ANLN: variants seen among roughly 807,000 people sequenced by gnomAD.
ANLN encodes anillin.
ANLN carries 59 observed loss-of-function variants against 135.1 expected under a neutral mutation model. That is an observed-to-expected ratio of 0.44 (90% confidence interval 0.35 to 0.54). The LOEUF (loss-of-function observed/expected upper bound fraction) is 0.54, where lower values mean the gene tolerates loss of function less well. ANLN is among the 20% of genes least tolerant of loss of function. The pLI, the probability that ANLN is intolerant of heterozygous loss-of-function variation, is 0.00. For synonymous variants in ANLN, 406 were observed against 456.4 expected, an observed-to-expected ratio of 0.89 and a Z score of 1.41; for missense variants, 1,182 against 1,340.0, an observed-to-expected ratio of 0.88 and a Z score of 1.84.
intron 23 of ANLN, among the ~76,000 whole-genome samples, chr7:36,451,271 T>G (rs918865609): frequency 6.6e-6 from 1 of 152,246 alleles, no homozygotes; most frequent in Non-Finnish European, 1.5e-5. Context: ...CTAACTAAGC[T>G]TGTTGTCAAT....
chr7:36,423,234 A>G (rs1297373790), intron 14 of ANLN, among the ~76,000 whole-genome samples: 1 of 152,128 alleles, frequency 6.6e-6, no homozygotes, highest in African/African-American at 2.4e-5. Context: ...TTTCAGGCAT[A>G]GGGAAAGTAA....
chr7:36,402,470 C>G (rs143621963), intron 3 of ANLN, among the ~76,000 whole-genome samples: 7 of 152,288 alleles, frequency 4.6e-5, no homozygotes, highest in African/African-American at 1.7e-4. Flanking sequence ...GACCTCTGCC[C>G]TGTCCAGTCC....
In ANLN at chr7:36,434,993, A is replaced by C. The variant is rs1047710255; in HGVS notation, c.2884-4211A>C. 1.3e-4 allele frequency among the ~76,000 whole-genome samples: 20 copies of C among 152,072 alleles called. 1 individual carries two copies. Among genetic ancestry groups the C allele is most frequent in the Admixed American group, 3.3e-4 (5 of 15,274 alleles). ...ACATGGAGGCAGGATTATGGGAGGG[A>C]GCTTTAGAGGGTGATGGAAATGTTC... is the stretch of plus-strand genomic sequence containing the variant. On this transcript the variant is annotated intron_variant, in intron 20 of 23. Transcript: ENST00000265748.
intron 3 of ANLN, 42 bp downstream of exon 3, chr7:36,399,435 A>G (rs1169387662): frequency 3.4e-6 from 5 of 1,478,652 alleles, no homozygotes; most frequent in South Asian, 2.7e-5. Context: ...ATCTGTTCCA[A>G]TAAGATTCAG....
chr7:36,419,214 A>G (rs1787769318), intron 9 of ANLN, 30 bp from the exon 10 acceptor site: 5 of 1,482,724 alleles, frequency 3.4e-6, no homozygotes, highest in Non-Finnish European at 4.7e-6. Flanking sequence ...TATCTGAGTC[A>G]CAGTGTCCAC....
chr7:36,395,957 C>T (rs916497644), intron 1 of ANLN, among the ~76,000 whole-genome samples: 5 of 152,202 alleles, frequency 3.3e-5, no homozygotes, highest in African/African-American at 1.2e-4. Flanking sequence ...CAAAGCAGAT[C>T]ACAAGGCCAG....
intron 22 of ANLN, among the ~76,000 whole-genome samples, chr7:36,445,161 CTTTTTTTTTTTTTTT>C (rs70977145): frequency 1.7e-5 from 1 of 57,822 alleles, no homozygotes; most frequent in South Asian, 8.2e-4. Flanking sequence ...ATTTGGGATT[CTTTTTTTTTTTTTTT>C]TTTTTTTTTT....
At chr7:36,443,911 T>G in intron 22 of ANLN, 49 bp downstream of exon 22, 1 of 1,321,584 alleles carries the variant, frequency 7.6e-7, no homozygotes, top group Non-Finnish European at 1.1e-6. Context: ...TTGACTTTCG[T>G]GTAGTGTTCA....
intron 17 of ANLN, among the ~76,000 whole-genome samples, chr7:36,425,209 A>G (rs1279365051): frequency 6.6e-6 from 1 of 152,004 alleles, no homozygotes; most frequent in African/African-American, 2.4e-5. Context: ...AGCCTTAATC[A>G]GGGACTCAAG....
intron 19 of ANLN, 82 bp from the exon 20 acceptor site, chr7:36,426,834 C>A: frequency 1.4e-6 from 1 of 703,578 alleles, no homozygotes; most frequent in Non-Finnish European, 2.2e-6. Flanking sequence ...TAATTTTCTT[C>A]TACTGGGATG....
chr7:36,390,226 G>A (rs1028987871), intron 1 of ANLN, 182 bp downstream of exon 1: 1 of 941,508 alleles, frequency 1.1e-6, no homozygotes, highest in Non-Finnish European at 1.6e-6. Flanking sequence ...GTTCCTCTGA[G>A]ATTTTGTTGT....
At chr7:36,450,709 G>A (rs1789208645) in intron 23 of ANLN, among the ~76,000 whole-genome samples, 1 of 152,122 alleles carries the variant, frequency 6.6e-6, no homozygotes, top group Non-Finnish European at 1.5e-5. Context: ...CTATGCAGTG[G>A]TGGAATCAGA....
intron 18 of ANLN, 34 bp downstream of exon 18, chr7:36,425,774 G>C (rs1328507661): frequency 6.3e-7 from 1 of 1,597,742 alleles, no homozygotes; most frequent in South Asian, 1.1e-5. Flanking sequence ...GAGCTTCCTT[G>C]AGAAATCTTC....
intron 8 of ANLN, among the ~76,000 whole-genome samples, chr7:36,416,589 T>A (rs962850964): frequency 1.3e-5 from 2 of 152,182 alleles, no homozygotes; most frequent in African/African-American, 4.8e-5. Context: ...ATTCCTAGTT[T>A]TTGAGTAATT....
At chr7:36,440,730 A>AAGCC (rs1226576644) in intron 21 of ANLN, among the ~76,000 whole-genome samples, 1 of 152,230 alleles carries the variant, frequency 6.6e-6, no homozygotes, top group Non-Finnish European at 1.5e-5. Flanking sequence ...AATTAAGCCC[A>AAGCC]AGCCACAATT....
chr7:36,403,782 G>C (rs545582031), intron 3 of ANLN, among the ~76,000 whole-genome samples: 12 of 152,188 alleles, frequency 7.9e-5, no homozygotes, highest in African/African-American at 2.9e-4. Flanking sequence ...GACCCGAGTA[G>C]CTGGGACTAT....
At chr7:36,443,176 G>A (rs191008160) in intron 21 of ANLN, among the ~76,000 whole-genome samples, 15 of 152,258 alleles carry the variant, frequency 9.9e-5, no homozygotes, top group African/African-American at 2.6e-4. Flanking sequence ...AAGGACAAAC[G>A]CCTGATGGCA....
intron 21 of ANLN, among the ~76,000 whole-genome samples, chr7:36,442,573 GTTC>G (rs1788817357): frequency 6.6e-6 from 1 of 151,964 alleles, no homozygotes; most frequent in East Asian, 1.9e-4. Flanking sequence ...ACCTTGCTTT[GTTC>G]TTTAACACAG....
At chr7:36,402,232 C>G (rs1786980265) in intron 3 of ANLN, among the ~76,000 whole-genome samples, 1 of 114,926 alleles carries the variant, frequency 8.7e-6, no homozygotes, top group Non-Finnish European at 1.9e-5. Context: ...CTGCCTCAGC[C>G]TCCTGAGTAG....
Sources: allele counts gnomAD v4.1 joint callset (sites outside exome capture counted in the v4.1 genomes callset), GRCh38; gene constraint gnomAD v4.1.1; transcripts MANE v1.5; gene names NCBI Gene and HGNC (gene_info 2026-07-23, HGNC 2026-07-21).